The following ERC2 variants were observed in gnomAD, a reference collection of about 807,000 sequenced individuals.
ERC2 encodes the protein ERC protein 2.
In ERC2, 42 loss-of-function variants were observed where a neutral mutation model predicts 114.8. The ratio of observed to expected loss-of-function variants is 0.37; its 90% confidence interval spans 0.29 to 0.47. The LOEUF (loss-of-function observed/expected upper bound fraction) is 0.47. Ranked by LOEUF, ERC2 falls within the 20% of genes least tolerant of loss-of-function variation. The pLI is 0.99. For missense variants in ERC2, 939 were observed against 1,150.7 expected (o/e 0.82, Z 2.66); for synonymous variants, 454 against 425.5 (o/e 1.07, Z -0.82).
chr3:56,272,488 G>A (rs926604807), intron 3 of ERC2, among the ~76,000 whole-genome samples: 1 of 152,226 alleles, frequency 6.6e-6, no homozygotes, highest in Non-Finnish European at 1.5e-5. Context: ...ATGGAGATAA[G>A]GCCAGGCACA....
intron 17 of ERC2, among the ~76,000 whole-genome samples, chr3:55,538,471 C>A (rs1301313263): frequency 6.6e-6 from 1 of 152,240 alleles, no homozygotes; most frequent in Non-Finnish European, 1.5e-5. Context: ...CTGTCCCACA[C>A]TGGGGACTGG....
At chr3:56,208,239 C>T (rs1444010640) in intron 3 of ERC2, among the ~76,000 whole-genome samples, 1 of 152,160 alleles carries the variant, frequency 6.6e-6, no homozygotes, top group Non-Finnish European at 1.5e-5. Flanking sequence ...ATAGGGCTGC[C>T]ACCAATGGAC....
intron 17 of ERC2, among the ~76,000 whole-genome samples, chr3:55,653,539 A>G (rs2148685363): frequency 6.6e-6 from 1 of 151,794 alleles, no homozygotes; most frequent in East Asian, 2.0e-4. Flanking sequence ...AATAATTTGT[A>G]TAGAACAATC....
chr3:56,028,615 T>A (rs1053190795), intron 7 of ERC2, among the ~76,000 whole-genome samples: 2 of 152,116 alleles, frequency 1.3e-5, no homozygotes, highest in South Asian at 2.1e-4. Flanking sequence ...TATTCTGTTG[T>A]TAGTATATAG....
intron 2 of ERC2, among the ~76,000 whole-genome samples, chr3:56,301,978 T>C (rs535680701): frequency 2.0e-5 from 3 of 152,072 alleles, no homozygotes; most frequent in Non-Finnish European, 4.4e-5. Flanking sequence ...TCAATCAGGA[T>C]AGGCTTAGGA....
At chr3:56,418,846 G>A (rs2061275378) in intron 2 of ERC2, among the ~76,000 whole-genome samples, 1 of 152,170 alleles carries the variant, frequency 6.6e-6, no homozygotes, top group African/African-American at 2.4e-5. Context: ...TACACTGGCT[G>A]GATGTTAGGA....
chr3:55,677,594 C>T (rs923532480), intron 17 of ERC2, among the ~76,000 whole-genome samples: 2 of 152,128 alleles, frequency 1.3e-5, no homozygotes, highest in African/African-American at 4.8e-5. Flanking sequence ...GTGTCACAAC[C>T]TTCCTCAAAG....
intron 17 of ERC2, among the ~76,000 whole-genome samples, chr3:55,582,651 T>C (rs775131529): frequency 3.3e-4 from 50 of 152,236 alleles, no homozygotes; most frequent in Non-Finnish European, 5.9e-4. Context: ...CACAACTTCA[T>C]ACTGTTTTTC....
At chr3:56,103,163 G>A (rs2078452584) in intron 6 of ERC2, among the ~76,000 whole-genome samples, 1 of 152,040 alleles carries the variant, frequency 6.6e-6, no homozygotes, top group Non-Finnish European at 1.5e-5. Flanking sequence ...GAAGGGGAAA[G>A]GATAATTTGA....
intron 6 of ERC2, among the ~76,000 whole-genome samples, chr3:56,122,452 T>C (rs73091253): frequency 0.061 from 9,217 of 152,246 alleles, 732 homozygotes; most frequent in African/African-American, 0.18. Flanking sequence ...ATTTTTTGTT[T>C]TACCTTAAAA....
At chr3:55,761,465 A>G (rs2067424031) in intron 14 of ERC2, among the ~76,000 whole-genome samples, 1 of 151,452 alleles carries the variant, frequency 6.6e-6, no homozygotes. Flanking sequence ...TGGCAACCCT[A>G]TTTATAGGCC....
chr3:55,879,732 T>C (rs1394227672), intron 14 of ERC2, among the ~76,000 whole-genome samples: 19 of 152,234 alleles, frequency 1.2e-4, no homozygotes, highest in Non-Finnish European at 2.8e-4. Flanking sequence ...TTATTCATGT[T>C]GTCAGAGACT....
intron 3 of ERC2, among the ~76,000 whole-genome samples, chr3:56,238,707 C>T (rs78910754): frequency 0.021 from 3,151 of 152,240 alleles, 76 homozygotes; most frequent in Non-Finnish European, 0.029. Flanking sequence ...CTCCAGGCCC[C>T]AGCAATGCTA....
chr3:55,672,853 G>C (rs985100890), intron 17 of ERC2, among the ~76,000 whole-genome samples: 1 of 152,084 alleles, frequency 6.6e-6, no homozygotes, highest in Non-Finnish European at 1.5e-5. Context: ...TGCAGGCTTC[G>C]GGGCGTAGGA....
At chr3:55,915,756 G>A (rs1323702255) in intron 13 of ERC2, among the ~76,000 whole-genome samples, 1 of 152,140 alleles carries the variant, frequency 6.6e-6, no homozygotes, top group Admixed American at 6.6e-5. Flanking sequence ...TCATCGAGGG[G>A]AGCTGACTTA....
chr3:56,040,581 A>ATATACATATACATGTATATG (rs1553786872), intron 7 of ERC2, among the ~76,000 whole-genome samples: 7 of 430 alleles, frequency 0.016, 1 homozygote, highest in Non-Finnish European at 0.049. Context: ...ATATGTATAC[A>ATATACATATACATGTATATG]TATACATATA....
chr3:56,170,224 T>G (rs1400772525), intron 4 of ERC2, among the ~76,000 whole-genome samples: 1 of 152,232 alleles, frequency 6.6e-6, no homozygotes, highest in Non-Finnish European at 1.5e-5. Context: ...CTTTCATTTT[T>G]CATTAGGTAA....
intron 3 of ERC2, among the ~76,000 whole-genome samples, chr3:56,198,112 G>A (rs1322311354): frequency 2.0e-5 from 3 of 152,174 alleles, no homozygotes; most frequent in African/African-American, 7.2e-5. Context: ...AAGAGCCAAG[G>A]CAAGAAAAAG....
At chr3:55,758,862 C>A (rs1445668301) in intron 14 of ERC2, among the ~76,000 whole-genome samples, 1 of 152,108 alleles carries the variant, frequency 6.6e-6, no homozygotes, top group African/African-American at 2.4e-5. Flanking sequence ...AAGATCTCTA[C>A]CAACAAATAA....
Sources: allele counts gnomAD v4.1 joint callset (sites outside exome capture counted in the v4.1 genomes callset), GRCh38; gene constraint gnomAD v4.1.1; transcripts MANE v1.5; gene names NCBI Gene and HGNC (gene_info 2026-07-23, HGNC 2026-07-21).